Variants in NEAT1 observed in about 807,000 individuals in gnomAD.
NEAT1 encodes the protein nuclear paraspeckle assembly transcript 1, also known as MENepsilon/beta.
exon 1 of NEAT1, chr11:65,444,904 T>C (rs986975779): frequency 4.1e-5 from 9 of 219,540 alleles, no homozygotes; most frequent in Admixed American, 2.8e-4. Context: ...TGACCTCAGG[T>C]GCTTGGGGCC....
exon 1 of NEAT1, chr11:65,425,658 T>A (rs1856553877): frequency 6.6e-6 from 1 of 152,124 alleles, no homozygotes; most frequent in Non-Finnish European, 1.5e-5. Flanking sequence ...TGTTCCTCAT[T>A]TGTCACAGGT....
At chr11:65,433,708 TTTTC>T (rs1321810072) in exon 1 of NEAT1, 1 of 151,878 alleles carries the variant, frequency 6.6e-6, no homozygotes, top group East Asian at 1.9e-4. Context: ...TTTTCTTTTT[TTTTC>T]TTTATGTGTG....
exon 1 of NEAT1, chr11:65,443,034 A>T (rs1856729247): frequency 6.6e-6 from 1 of 152,122 alleles, no homozygotes; most frequent in Non-Finnish European, 1.5e-5. Context: ...TGATTAACGT[A>T]TGATTATTTT....
chr11:65,440,126 A>G (rs1856700461), exon 1 of NEAT1: 1 of 152,112 alleles, frequency 6.6e-6, no homozygotes, highest in South Asian at 2.1e-4. Flanking sequence ...TGAAATAATA[A>G]TAGGTACTGG....
chr11:65,434,016 T>G (rs1439421678), exon 1 of NEAT1: 1 of 152,218 alleles, frequency 6.6e-6, no homozygotes, highest in Non-Finnish European at 1.5e-5. Flanking sequence ...TAGCTGTTCT[T>G]AGAGAAAATT....
At chr11:65,433,840 T>G (rs1050508249) in exon 1 of NEAT1, 1 of 151,944 alleles carries the variant, frequency 6.6e-6, no homozygotes, top group African/African-American at 2.4e-5. Context: ...CACCTTCCAC[T>G]TATGTGGTCC....
exon 1 of NEAT1, chr11:65,438,292 CTTAATA>C (rs1177260116): frequency 6.6e-6 from 1 of 152,046 alleles, no homozygotes; most frequent in African/African-American, 2.4e-5. Flanking sequence ...CATTGTAAAT[CTTAATA>C]TTTATGTATG....
exon 1 of NEAT1, chr11:65,435,149 A>G (rs1260400473): frequency 6.6e-6 from 1 of 152,242 alleles, no homozygotes. Flanking sequence ...GATTTAGGTA[A>G]GTCCATGGCT....
At chr11:65,429,345 C>T (rs1856592382) in exon 1 of NEAT1, 1 of 152,232 alleles carries the variant, frequency 6.6e-6, no homozygotes, top group Non-Finnish European at 1.5e-5. Flanking sequence ...GCCTTCCCCT[C>T]TTCCTCAGAA....
At chr11:65,434,440 T>G (rs1706553806) in exon 1 of NEAT1, 1 of 152,232 alleles carries the variant, frequency 6.6e-6, no homozygotes. Context: ...AATGCTATTG[T>G]GTCCTGTACA....
chr11:65,436,625 C>G (rs1856660185), exon 1 of NEAT1: 1 of 152,234 alleles, frequency 6.6e-6, no homozygotes, highest in Non-Finnish European at 1.5e-5. Flanking sequence ...CACCACACAG[C>G]CTGTCTTGCA....
chr11:65,438,248 T>A (rs1302708531), exon 1 of NEAT1: 1 of 152,202 alleles, frequency 6.6e-6, no homozygotes, highest in Non-Finnish European at 1.5e-5. Context: ...CTACTGGTGG[T>A]CTGTAAGATG....
chr11:65,437,195 G>GTATATATATATATATGTA (rs1171212520), exon 1 of NEAT1: 1 of 129,052 alleles, frequency 7.7e-6, no homozygotes, highest in Non-Finnish European at 1.6e-5. Flanking sequence ...ATATATATAT[G>GTATATATATATATATGTA]TATATATATA....
chr11:65,442,989 T>C (rs1856728672), exon 1 of NEAT1: 1 of 152,248 alleles, frequency 6.6e-6, no homozygotes, highest in Admixed American at 6.5e-5. Context: ...CTGTACGATT[T>C]CTGCTTTTTT....
chr11:65,443,898 C>G (rs548889303), exon 1 of NEAT1: 1 of 156,612 alleles, frequency 6.4e-6, no homozygotes, highest in South Asian at 1.6e-4. Flanking sequence ...ACAGCACACA[C>G]CCAAGGGTTC....
exon 1 of NEAT1, chr11:65,432,753 A>G (rs1856624162): frequency 6.7e-6 from 1 of 149,808 alleles, no homozygotes; most frequent in South Asian, 2.1e-4. Context: ...GATGAATTCT[A>G]CAGTAGTGAA....
chr11:65,431,997 C>T (rs959598888), exon 1 of NEAT1: 1 of 152,070 alleles, frequency 6.6e-6, no homozygotes, highest in Non-Finnish European at 1.5e-5. Flanking sequence ...TTGCCAAATC[C>T]AACGTTATAA....
exon 1 of NEAT1, chr11:65,432,782 C>T (rs1159336354): frequency 1.3e-5 from 2 of 150,500 alleles, no homozygotes; most frequent in Non-Finnish European, 3.0e-5. Flanking sequence ...TTTTACTGCA[C>T]CGGTCACCTG....
At chr11:65,424,870 A>C (rs994846486) in exon 1 of NEAT1, 2 of 151,628 alleles carry the variant, frequency 1.3e-5, no homozygotes, top group African/African-American at 4.9e-5. Flanking sequence ...CTGAGGTGGG[A>C]GTTGTGGGGG....
Sources: gnomAD v4.1 joint callset for allele counts on GRCh38, gnomAD v4.1.1 for gene constraint, MANE v1.5 for transcripts, NCBI Gene and HGNC (gene_info 2026-07-23, HGNC 2026-07-21) for gene names.